DIAPH3: variants seen among roughly 807,000 people sequenced by gnomAD.
The protein encoded by DIAPH3 is protein diaphanous homolog 3.
Under a neutral mutation model 144.3 loss-of-function variants are expected in DIAPH3, and 117 were observed. The observed-to-expected ratio is 0.81, with a 90% CI of 0.70 to 0.95. DIAPH3 has a LOEUF of 0.95. Ranked by LOEUF, DIAPH3 falls within the 40% of genes least tolerant of loss-of-function variation. The probability of loss-of-function intolerance (pLI) is 0.00; values close to 1 mark genes in which losing one functional copy is unlikely to be tolerated. For synonymous variants in DIAPH3, 519 were observed against 488.9 expected (o/e 1.06, Z -0.81); for missense variants, 1,421 against 1,412.7 (o/e 1.01, Z -0.09).
chr13:60,104,044 A>G (rs2058343257), intron 3 of DIAPH3, among the ~76,000 whole-genome samples: 1 of 152,208 alleles, frequency 6.6e-6, no homozygotes, highest in Non-Finnish European at 1.5e-5. Context: ...AATGAATCTT[A>G]TCTAGTTCTG....
At chr13:59,949,895 T>G (rs1250355701) in intron 17 of DIAPH3, among the ~76,000 whole-genome samples, 1 of 152,172 alleles carries the variant, frequency 6.6e-6, no homozygotes. Context: ...CTAATGATTG[T>G]CTAAACCTCG....
intron 24 of DIAPH3, among the ~76,000 whole-genome samples, chr13:59,814,191 A>G (rs965288747): frequency 2.0e-5 from 3 of 152,204 alleles, no homozygotes; most frequent in Admixed American, 6.5e-5. Flanking sequence ...ATGTGAGTAC[A>G]TAATAGGCAA....
At chr13:59,735,280 T>C (rs1319994427) in intron 27 of DIAPH3, among the ~76,000 whole-genome samples, 1 of 152,160 alleles carries the variant, frequency 6.6e-6, no homozygotes, top group Non-Finnish European at 1.5e-5. Context: ...CTAAAACCAG[T>C]ACACTTTAGA....
chr13:60,040,597 G>A (rs1415007833), intron 5 of DIAPH3, among the ~76,000 whole-genome samples: 1 of 152,064 alleles, frequency 6.6e-6, no homozygotes. Flanking sequence ...AGATGAAGAG[G>A]AGAATAATAG....
chr13:60,043,869 AGAGAAT>A (rs936118413), intron 4 of DIAPH3, among the ~76,000 whole-genome samples: 5 of 152,234 alleles, frequency 3.3e-5, no homozygotes, highest in African/African-American at 1.2e-4. Context: ...AAAGCAGGAA[AGAGAAT>A]AAGTAGCTTC....
At chr13:59,827,771 G>A (rs2139684371) in intron 24 of DIAPH3, among the ~76,000 whole-genome samples, 1 of 152,056 alleles carries the variant, frequency 6.6e-6, no homozygotes, top group South Asian at 2.1e-4. Flanking sequence ...TGAATGGAAA[G>A]TGGGAACCGT....
intron 24 of DIAPH3, among the ~76,000 whole-genome samples, chr13:59,832,556 A>G (rs1708270172): frequency 2.0e-5 from 3 of 151,670 alleles, no homozygotes; most frequent in Non-Finnish European, 4.4e-5. Context: ...TCTTCCCCCC[A>G]CCTAATCAGC....
intron 25 of DIAPH3, among the ~76,000 whole-genome samples, chr13:59,810,154 CT>C (rs946134354): frequency 6.6e-6 from 1 of 151,864 alleles, no homozygotes; most frequent in African/African-American, 2.4e-5. Context: ...GTTCAGACTG[CT>C]TTTTTCTTTT....
chr13:59,755,352 A>G (rs973139991), intron 27 of DIAPH3, among the ~76,000 whole-genome samples: 5 of 152,214 alleles, frequency 3.3e-5, no homozygotes, highest in African/African-American at 9.7e-5. Flanking sequence ...CACAGTCTCA[A>G]TTAGGAAATT....
intron 12 of DIAPH3, among the ~76,000 whole-genome samples, chr13:59,990,012 A>T (rs1338139828): frequency 6.6e-6 from 1 of 151,974 alleles, no homozygotes; most frequent in African/African-American, 2.4e-5. Context: ...GTAGAAATAT[A>T]GTATCATAAA....
intron 17 of DIAPH3, among the ~76,000 whole-genome samples, chr13:59,962,709 C>A (rs1014586682): frequency 5.9e-5 from 9 of 151,910 alleles, no homozygotes; most frequent in African/African-American, 2.2e-4. Flanking sequence ...TGCATCCTGA[C>A]CCTTAAAAAA....
At chr13:59,892,417 C>T (rs941331693) in intron 20 of DIAPH3, among the ~76,000 whole-genome samples, 1 of 151,758 alleles carries the variant, frequency 6.6e-6, no homozygotes, top group Admixed American at 6.6e-5. Flanking sequence ...AAAGAAAAAA[C>T]TGAAAGAATT....
intron 27 of DIAPH3, among the ~76,000 whole-genome samples, chr13:59,714,969 G>A (rs1357144473): frequency 6.7e-6 from 1 of 149,376 alleles, no homozygotes; most frequent in Non-Finnish European, 1.5e-5. Context: ...GAACAATAAG[G>A]GAGCAGGGAG....
At chr13:59,877,461 G>A (rs138211527) in intron 21 of DIAPH3, among the ~76,000 whole-genome samples, 4 of 152,094 alleles carry the variant, frequency 2.6e-5, no homozygotes, top group Non-Finnish European at 4.4e-5. Context: ...ATGGTAATGT[G>A]CCATATATAT....
chr13:59,962,137 G>C (rs1666906890), intron 17 of DIAPH3, among the ~76,000 whole-genome samples: 1 of 152,138 alleles, frequency 6.6e-6, no homozygotes, highest in African/African-American at 2.4e-5. Context: ...GTTAAGCTGA[G>C]GCTCAGGCCC....
At chr13:60,000,127 A>G (rs2052436615) in intron 9 of DIAPH3, among the ~76,000 whole-genome samples, 1 of 152,078 alleles carries the variant, frequency 6.6e-6, no homozygotes, top group Admixed American at 6.6e-5. Context: ...TGGAACACAG[A>G]TTTTCTCTAG....
chr13:59,736,270 C>A (rs1034350842), intron 27 of DIAPH3, among the ~76,000 whole-genome samples: 3 of 152,214 alleles, frequency 2.0e-5, no homozygotes, highest in Middle Eastern at 3.4e-3. Flanking sequence ...TATGTCTTTA[C>A]AACAGACTGA....
At chr13:59,784,427 G>A (rs2038919515) in intron 25 of DIAPH3, among the ~76,000 whole-genome samples, 1 of 150,350 alleles carries the variant, frequency 6.7e-6, no homozygotes, top group Non-Finnish European at 1.5e-5. Context: ...CCAGGCTGGA[G>A]TGAAGTGGTG....
At chr13:59,887,559 G>C (rs9570224) in intron 20 of DIAPH3, among the ~76,000 whole-genome samples, 9,807 of 152,036 alleles carry the variant, frequency 0.065, 464 homozygotes, top group East Asian at 0.29. Context: ...TTCTGTTATA[G>C]ACAGAAAACA....
Sources: allele counts gnomAD v4.1 joint callset (sites outside exome capture counted in the v4.1 genomes callset), GRCh38; gene constraint gnomAD v4.1.1; transcripts MANE v1.5; gene names NCBI Gene and HGNC (gene_info 2026-07-23, HGNC 2026-07-21).